Variants in ALG13 observed in about 807,000 individuals in gnomAD.
ALG13 encodes UDP-N-acetylglucosamine transferase subunit ALG13.
Under a neutral mutation model 87.8 loss-of-function variants are expected in ALG13, and 11 were observed. The ratio of observed to expected loss-of-function variants is 0.13; its 90% CI spans 0.08 to 0.21. The LOEUF (loss-of-function observed/expected upper bound fraction) is 0.21, where lower values mean the gene tolerates loss of function less well. Among genes scored for constraint, ALG13 ranks in the 10% least tolerant of loss-of-function variants. The pLI is 1.00. For missense variants in ALG13, 756 were observed against 866.1 expected (o/e 0.87, Z 1.60); for synonymous variants, 320 against 306.3 (o/e 1.04, Z -0.47).
At position 111,720,156 on chromosome X, in the gene ALG13, A is replaced by G; in HGVS notation, c.1312A>G (p.Thr438Ala). ...TATACCAGAGGGCTACAATAAAGGA[A>G]CAGAAGAAACAAAGGTTTGATATTT... Reference protein sequence around the residue: ...ENIPEGYNKGTEETKSPENPS... With the variant: ...ENIPEGYNKGAEETKSPENPS... The change falls in exon 11 of 27, where the codon ACA becomes GCA. Residue 438 changes from threonine (T) to alanine (A), a missense_variant. This residue lies in a region of ALG13 where 48 missense variants were observed against 50.5 expected (regional missense o/e 0.95). Transcript: ENST00000394780. 8.5e-7 allele frequency: 1 copy of G among 1,179,522 alleles called. No individual in the cohort carries two copies. Among genetic ancestry groups the G allele is most frequent in the Non-Finnish European group, 1.1e-6 (1 of 876,770 alleles).
At chrX:111,747,423 A>G (rs1462123656) in intron 24 of ALG13, among the ~76,000 whole-genome samples, 1 of 112,344 alleles carries the variant, frequency 8.9e-6, no homozygotes, top group East Asian at 2.8e-4. Context: ...CACCTACTGA[A>G]TAACATCTTG....
chrX:111,743,487 G>A (rs1010259710), intron 23 of ALG13, among the ~76,000 whole-genome samples: 2 of 111,584 alleles, frequency 1.8e-5, no homozygotes, highest in Admixed American at 1.9e-4. Flanking sequence ...TGACAAATGC[G>A]TAGAGTTGTG....
intron 7 of ALG13, among the ~76,000 whole-genome samples, chrX:111,712,999 T>C (rs1940036758): frequency 9.0e-6 from 1 of 111,206 alleles, no homozygotes; most frequent in African/African-American, 3.3e-5. Flanking sequence ...CAAATTAAGA[T>C]ACATAAAAAA....
At chrX:111,709,134 A>G (rs1212502726) in intron 5 of ALG13, 86 bp downstream of exon 5, 5 of 480,692 alleles carry the variant, frequency 1.0e-5, no homozygotes, top group Non-Finnish European at 1.6e-5. Context: ...AAATTAAACT[A>G]TATCATGCTG....
chrX:111,757,738 A>G lies in ALG13; in HGVS notation c.3124A>G (p.Ile1042Val), dbSNP rs2148514763. The change falls in exon 26 of 27, where the codon ATA (isoleucine) becomes GTA (valine). Residue 1042 changes from isoleucine to valine, a missense_variant. Transcript: ENST00000394780. ...CAGTGAGGTGAGGAGAGAAGATGGC[A>G]TACAGGCGGAAGCATCAGCAAATGG... The part of the protein sequence containing the change: ...CYSEVRREDG[I>V]QAEASANDTF... The G allele has an allele frequency of 2.5e-6, 3 of 1,208,595 alleles. No individual in the cohort carries two copies. The South Asian group carries it at 5.3e-5, about 22-fold the overall frequency.
chrX:111,686,226 C>T (rs1934892664), intron 3 of ALG13: 1 of 827,097 alleles, frequency 1.2e-6, no homozygotes, highest in Non-Finnish European at 1.6e-6. Context: ...TTTGATGTTG[C>T]AAGAAGTAAA....
Position 111,709,163 on chromosome X carries a change from T to C in ALG13, c.834+115T>C, listed in dbSNP as rs145540909. 1,555 of 327,975 alleles carry C rather than the reference T, an allele frequency of 4.7e-3. 12 individuals are homozygous for C. The highest frequency in any genetic ancestry group is 0.037 in the African/African-American group (1,367 of 37,018). 27.0% of individuals were successfully genotyped at this position (327,975 alleles called of 1,213,427 possible). ...CATGCTGTCTCCTCAATAGCAAATA[T>C]ATAATTCCCAACTGGCTCCCTTCCC... On this transcript the variant is annotated intron_variant, in intron 5 of 26. Transcript: ENST00000394780.
At chrX:111,754,507 A>G (rs1265989577) in intron 25 of ALG13, among the ~76,000 whole-genome samples, 1 of 112,193 alleles carries the variant, frequency 8.9e-6, no homozygotes, top group Non-Finnish European at 1.9e-5. Flanking sequence ...TGCAGATGAC[A>G]TAACTGTATA....
At chrX:111,705,678 A>G (rs760144730) in intron 3 of ALG13, among the ~76,000 whole-genome samples, 1 of 111,625 alleles carries the variant, frequency 9.0e-6, no homozygotes, top group Non-Finnish European at 1.9e-5. Flanking sequence ...TGGATGGTCA[A>G]TTGTTCTGGC....
At chrX:111,689,117 A>T (rs1258018482) in intron 3 of ALG13, 11 of 651,155 alleles carry the variant, frequency 1.7e-5, no homozygotes, top group Non-Finnish European at 1.8e-5. Flanking sequence ...TACTAGTGGT[A>T]GAAGGTGGTG....
chrX:111,709,675 GCTTC>G (rs941945887), intron 5 of ALG13, among the ~76,000 whole-genome samples: 3 of 107,394 alleles, frequency 2.8e-5, no homozygotes, highest in African/African-American at 1.1e-4. Flanking sequence ...GAAATTGGAG[GCTTC>G]CTTTTCTTTT....
At chrX:111,687,214 G>A (rs746882541) in intron 3 of ALG13, among the ~76,000 whole-genome samples, 1 of 112,356 alleles carries the variant, frequency 8.9e-6, no homozygotes, top group East Asian at 2.8e-4. Flanking sequence ...CAAAGTGCTG[G>A]GATTACAGGC....
intron 3 of ALG13, chrX:111,689,576 T>G: frequency 4.0e-6 from 3 of 753,911 alleles, no homozygotes; most frequent in Non-Finnish European, 4.7e-6. Flanking sequence ...TGACTTCCCT[T>G]TTGTGGAATT....
At chrX:111,682,353 T>C in intron 2 of ALG13, 59 bp downstream of exon 2, 1 of 933,075 alleles carries the variant, frequency 1.1e-6, no homozygotes, top group East Asian at 3.3e-5. Context: ...TTTTAAGTTC[T>C]GGGGTATTCT....
At chrX:111,757,846 C>A in intron 26 of ALG13, 84 bp downstream of exon 26, 1 of 939,060 alleles carries the variant, frequency 1.1e-6, no homozygotes, top group Non-Finnish European at 1.5e-6. Context: ...TATATTTCAT[C>A]AGGTCCATGT....
At chrX:111,693,228 C>G (rs757418288) in intron 3 of ALG13, among the ~76,000 whole-genome samples, 2 of 69,603 alleles carry the variant, frequency 2.9e-5, no homozygotes, top group African/African-American at 1.2e-4. Flanking sequence ...TGGCTAGGTT[C>G]AAACAGGAAT....
At chrX:111,739,877 C>T (rs754390580) in intron 23 of ALG13, among the ~76,000 whole-genome samples, 1 of 112,051 alleles carries the variant, frequency 8.9e-6, no homozygotes, top group African/African-American at 3.2e-5. Context: ...TATTGGACAG[C>T]AGAGATATAG....
intron 8 of ALG13, among the ~76,000 whole-genome samples, 165 bp downstream of exon 8, chrX:111,713,462 G>T (rs987447834): frequency 4.5e-5 from 5 of 111,678 alleles, no homozygotes; most frequent in African/African-American, 1.6e-4. Flanking sequence ...TCTCAGTGTT[G>T]TTAGCCCTCT....
intron 21 of ALG13, among the ~76,000 whole-genome samples, chrX:111,733,082 A>C (rs1942873771): frequency 9.0e-6 from 1 of 111,616 alleles, no homozygotes; most frequent in African/African-American, 3.3e-5. Flanking sequence ...TGCTAAAATA[A>C]AGGATAAATG....
Sources: allele counts gnomAD v4.1 joint callset (sites outside exome capture counted in the v4.1 genomes callset), GRCh38; gene constraint gnomAD v4.1.1; regional missense constraint gnomAD v4.1.1; transcripts MANE v1.5; gene names NCBI Gene and HGNC (gene_info 2026-07-23, HGNC 2026-07-21).